Variants in EFCAB5 observed in about 807,000 individuals in gnomAD.
The protein encoded by EFCAB5 is EF-hand calcium binding domain 5, also known as EF-hand calcium-binding domain-containing protein 5.
In EFCAB5, 131 loss-of-function variants were observed where a neutral mutation model predicts 167.9. The observed-to-expected ratio is 0.78, with a 90% CI of 0.68 to 0.90. The LOEUF is 0.90. Ranked by LOEUF, EFCAB5 falls within the 40% of genes least tolerant of loss-of-function variation. The pLI is 0.00. For synonymous variants in EFCAB5, 574 were observed against 602.8 expected (o/e 0.95, Z 0.70); for missense variants, 1,663 against 1,745.2 (o/e 0.95, Z 0.84).
Position 29,993,150 on chromosome 17 carries a change from A to G in EFCAB5, c.768-15A>G, listed in dbSNP as rs1256908490. 6.3e-7 allele frequency: 1 copy of G among 1,592,632 alleles called. No homozygotes were observed. The highest frequency in any genetic ancestry group is 8.6e-7 in the Non-Finnish European group (1 of 1,169,116). On this transcript the variant is annotated splice_polypyrimidine_tract_variant and intron_variant, in intron 4 of 22. Coordinates refer to ENST00000394835, the MANE Select transcript of EFCAB5 (RefSeq NM_198529.4). ...GGTATTAACTCAACATGTTTTCTAT[A>G]TCTACATCCTGCAGAGTATCCAAGA...
intron 14 of EFCAB5, among the ~76,000 whole-genome samples, chr17:30,077,307 GATAA>G (rs1391260978): frequency 6.6e-6 from 1 of 151,970 alleles, no homozygotes; most frequent in Non-Finnish European, 1.5e-5. Context: ...GTCTCAAAAA[GATAA>G]ATAAATAAAT....
intron 4 of EFCAB5, chr17:29,972,866 G>T: frequency 5.1e-6 from 1 of 197,424 alleles, no homozygotes; most frequent in Admixed American, 4.9e-5. Flanking sequence ...ATGCCTCGAG[G>T]GCCATGATAG....
upstream of EFCAB5, chr17:29,941,592 A>G (rs1394174492): frequency 8.6e-6 from 4 of 462,574 alleles, no homozygotes; most frequent in Non-Finnish European, 1.2e-5. Context: ...AGCAACAGTC[A>G]TAACAGTAAT....
Position 30,092,009 on chromosome 17 carries a change from C to T in EFCAB5, c.4076C>T (p.Thr1359Ile). Residue 1359 changes from threonine (T) to isoleucine (I), a missense_variant, in exon 21 of 23, where the codon ACA becomes ATA. Transcript: ENST00000394835. ...SLLLYDHTLV[T>I]EPNSPQDSKS... ...TTGCTCTATGACCATACTCTTGTAA[C>T]AGAGCCAAATTCTCCTCAAGACAGC... 6.2e-7 allele frequency: 1 copy of T among 1,613,946 alleles called. No homozygotes were observed. Among genetic ancestry groups the T allele is most frequent in the Non-Finnish European group, 8.5e-7 (1 of 1,179,876 alleles).
chr17:29,971,185 A>G (rs573455506), intron 4 of EFCAB5, among the ~76,000 whole-genome samples: 64 of 152,150 alleles, frequency 4.2e-4, no homozygotes, highest in African/African-American at 1.5e-3. Context: ...TTCTGTTACT[A>G]TATTTTCTAT....
At chr17:29,976,211 A>G (rs575402315) in intron 4 of EFCAB5, among the ~76,000 whole-genome samples, 2 of 152,336 alleles carry the variant, frequency 1.3e-5, no homozygotes, top group African/African-American at 4.8e-5. Context: ...ATTAATGTCT[A>G]TAATAAGATA....
intron 7 of EFCAB5, among the ~76,000 whole-genome samples, chr17:30,030,380 G>C (rs927016845): frequency 3.9e-5 from 6 of 152,222 alleles, no homozygotes; most frequent in African/African-American, 1.2e-4. Context: ...CGCTCGCTCT[G>C]TTGCCCAGGC....
rs865775674 is a variant in EFCAB5, at chr17:30,048,356, T to A, written c.1201-2762T>A. ...TCTGCCAGAATGTTAAAAAAAAAAA[T>A]ACATAATCATATAACAAAAACAAAA... On this transcript the variant is annotated intron_variant, in intron 8 of 22. Coordinates refer to ENST00000394835, the MANE Select transcript of EFCAB5 (RefSeq NM_198529.4). 2.7e-5 allele frequency among the ~76,000 whole-genome samples: 4 copies of A among 149,650 alleles called. No individual in the cohort carries two copies. In the South Asian group the frequency reaches 6.3e-4, roughly 23 times the overall value.
chr17:30,000,019 C>A lies in EFCAB5; in HGVS notation c.1044+43C>A. 3 of 1,435,666 alleles carry A rather than the reference C, an allele frequency of 2.1e-6. No homozygotes were observed. In the South Asian group the frequency reaches 3.9e-5, roughly 19 times the overall value. The allele number at this position is 1,435,666 out of a possible 1,614,324, so 88.9% of individuals were successfully genotyped here. On this transcript the variant is annotated intron_variant, in intron 7 of 22. Coordinates refer to ENST00000394835, the MANE Select transcript of EFCAB5 (RefSeq NM_198529.4). ...TAATGTTTGAATTGAATTATTTTGT[C>A]AGTTTCAATTGTCTGTTGGTGGCTG...
At chr17:30,026,387 A>C (rs1317184166) in intron 7 of EFCAB5, among the ~76,000 whole-genome samples, 1 of 152,130 alleles carries the variant, frequency 6.6e-6, no homozygotes, top group Non-Finnish European at 1.5e-5. Context: ...GTTCAGGCCA[A>C]GAGTATGCAG....
At chr17:29,948,955 G>A (rs1160011972) in intron 3 of EFCAB5, among the ~76,000 whole-genome samples, 1 of 152,074 alleles carries the variant, frequency 6.6e-6, no homozygotes, top group Non-Finnish European at 1.5e-5. Flanking sequence ...TCTACATCAT[G>A]TGCCAATGTT....
chr17:30,081,802 C>T (rs2070993056), intron 17 of EFCAB5, among the ~76,000 whole-genome samples: 1 of 152,166 alleles, frequency 6.6e-6, no homozygotes, highest in African/African-American at 2.4e-5. Context: ...AATTCATTCT[C>T]ATCTGACACA....
intron 4 of EFCAB5, among the ~76,000 whole-genome samples, chr17:29,977,718 A>C (rs2068089149): frequency 6.6e-6 from 1 of 152,192 alleles, no homozygotes; most frequent in Non-Finnish European, 1.5e-5. Flanking sequence ...TATTTCAAAG[A>C]ATTACTTTCT....
Position 30,053,428 on chromosome 17 carries a change from A to G in EFCAB5, c.1474A>G (p.Lys492Glu). The G allele has an allele frequency of 2.5e-6, 4 of 1,614,038 alleles. No homozygotes were observed. The highest frequency in any genetic ancestry group is 3.4e-6 in the Non-Finnish European group (4 of 1,179,900). Residue 492 changes from lysine (K) to glutamate (E), a missense_variant, in exon 10 of 23, where the codon AAA (lysine) becomes GAA (glutamate). Physicochemically the swap from Lys to Glu is moderately conservative, Grantham distance 56. Coordinates refer to ENST00000394835, the MANE Select transcript of EFCAB5 (RefSeq NM_198529.4). Reference sequence around the variant, plus strand: ...ATTATTAGAAAGTCCAGATCAACCTAAACTTAACGAACAGAGAACATCAAC... The same window carrying G: ...ATTATTAGAAAGTCCAGATCAACCTGAACTTAACGAACAGAGAACATCAAC... ...SKLLESPDQP[K>E]LNEQRTSTPS...
At chr17:30,023,076 C>G (rs1051535143) in intron 7 of EFCAB5, among the ~76,000 whole-genome samples, 45 of 151,664 alleles carry the variant, frequency 3.0e-4, no homozygotes, top group Non-Finnish European at 6.0e-4. Context: ...CAAGAGAAAG[C>G]AGGAAAGATC....
In EFCAB5 at chr17:30,108,092, C is replaced by T; in HGVS notation, c.*68C>T. 2.0e-6 allele frequency: 3 copies of T among 1,489,658 alleles called. No homozygotes were observed. The highest frequency in any genetic ancestry group is 5.1e-5 in the East Asian group (2 of 39,396). 92.3% of individuals were successfully genotyped at this position (1,489,658 alleles called of 1,614,324 possible). A position where few individuals can be genotyped will look rare whatever the true frequency, so the allele number is the denominator to read the frequency against. On this transcript the variant is annotated 3_prime_UTR_variant, in exon 23 of 23. Coordinates refer to ENST00000394835, the MANE Select transcript of EFCAB5 (RefSeq NM_198529.4). ...GTTTGTTATCAGTTTTGTTTGTTAA[C>T]TATAAAATATTTTCCATTGGAAAGG...
intron 4 of EFCAB5, among the ~76,000 whole-genome samples, chr17:29,986,977 C>A (rs1018726778): frequency 2.0e-5 from 3 of 152,038 alleles, no homozygotes; most frequent in Non-Finnish European, 4.4e-5. Flanking sequence ...ATACTGAGAC[C>A]AGAAAGCATG....
At chr17:29,950,276 TTTCC>T (rs144070532) in intron 3 of EFCAB5, among the ~76,000 whole-genome samples, 400 of 151,838 alleles carry the variant, frequency 2.6e-3, no homozygotes, top group African/African-American at 3.7e-3. Flanking sequence ...CCTTTCTTCC[TTTCC>T]TTCCTTCCTT....
At chr17:29,964,150 G>A (rs956663605) in intron 3 of EFCAB5, among the ~76,000 whole-genome samples, 2 of 151,628 alleles carry the variant, frequency 1.3e-5, no homozygotes, top group Non-Finnish European at 2.9e-5. Flanking sequence ...TTTCTTTATA[G>A]CGACACAAAA....
Sources: gnomAD v4.1 joint callset for allele counts (sites outside exome capture counted in the v4.1 genomes callset) on GRCh38, gnomAD v4.1.1 for gene constraint, MANE v1.5 for transcripts, NCBI Gene and HGNC (gene_info 2026-07-23, HGNC 2026-07-21) for gene names.